PDS5B: variants seen among roughly 807,000 people sequenced by gnomAD.
PDS5B encodes the protein PDS5 cohesin associated factor B, also known as sister chromatid cohesion protein PDS5 homolog B.
In PDS5B, 51 loss-of-function variants were observed where a neutral mutation model predicts 184.1. The ratio of observed to expected loss-of-function variants is 0.28; its 90% confidence interval spans 0.22 to 0.35. PDS5B has a LOEUF of 0.35. Among genes scored for constraint, PDS5B ranks in the 10% least tolerant of loss-of-function variants. PDS5B has a pLI of 1.00. For missense variants in PDS5B, 1,180 were observed against 1,723.3 expected, an observed-to-expected ratio of 0.68 and a Z score of 5.58; for synonymous variants, 566 against 569.2, an observed-to-expected ratio of 0.99 and a Z score of 0.08.
intron 19 of PDS5B, among the ~76,000 whole-genome samples, chr13:32,728,292 T>A (rs962933962): frequency 6.0e-4 from 91 of 152,304 alleles, no homozygotes; most frequent in African/African-American, 1.9e-3. Flanking sequence ...TATGTCATTT[T>A]TGGGTCTGTT....
chr13:32,648,465 A>G (rs954856287), intron 1 of PDS5B, among the ~76,000 whole-genome samples: 7 of 151,938 alleles, frequency 4.6e-5, no homozygotes, highest in Admixed American at 2.0e-4. Context: ...AAAAGTATTT[A>G]TTTTTTATTT....
intron 2 of PDS5B, 136 bp downstream of exon 2, chr13:32,649,016 A>G: frequency 3.1e-6 from 2 of 646,748 alleles, no homozygotes; most frequent in South Asian, 1.6e-5. Flanking sequence ...GAAAAGATCT[A>G]AGGGAGTAGA....
In PDS5B at chr13:32,707,074, A is replaced by T. The variant is rs374752826; in HGVS notation, c.1962+35A>T. On this transcript the variant is annotated intron_variant, in intron 18 of 34. Coordinates refer to ENST00000315596, the MANE Select transcript of PDS5B (RefSeq NM_015032.4). ...TATTTAAAATTAAGTGCCTAATTAG[A>T]TATCTGTTTAACATATACAGTTTAT... The T allele has an allele frequency of 1.1e-5, 12 of 1,126,866 alleles. No individual in the cohort carries two copies. In the African/African-American group the frequency reaches 1.9e-4, roughly 18 times the overall value. The allele number at this position is 1,126,866 out of a possible 1,614,324, so 69.8% of individuals were successfully genotyped here. A position where few individuals can be genotyped will look rare whatever the true frequency, so the allele number is the denominator to read the frequency against.
intron 13 of PDS5B, 77 bp downstream of exon 13, chr13:32,688,646 A>G (rs763605891): frequency 1.2e-6 from 1 of 853,080 alleles, no homozygotes; most frequent in Non-Finnish European, 2.0e-6. Flanking sequence ...AACTACAAAC[A>G]CCTGTATTTT....
chr13:32,758,720 A>G (rs753315598), intron 28 of PDS5B, 67 bp downstream of exon 28: 28 of 1,493,946 alleles, frequency 1.9e-5, no homozygotes, highest in Middle Eastern at 1.7e-4. Context: ...GATTGTAGGA[A>G]GATCAGGAAG....
chr13:32,689,762 T>C (rs1442132294), intron 13 of PDS5B: 1 of 152,192 alleles, frequency 6.6e-6, no homozygotes, highest in Non-Finnish European at 1.5e-5. Context: ...TGTAAACTTT[T>C]CTCTGGAATT....
intron 1 of PDS5B, among the ~76,000 whole-genome samples, chr13:32,626,815 G>A (rs534998722): frequency 6.6e-6 from 1 of 152,116 alleles, no homozygotes; most frequent in Non-Finnish European, 1.5e-5. Context: ...TTAGATACAA[G>A]TAGCCTAATA....
intron 18 of PDS5B, 86 bp from the exon 19 acceptor site, chr13:32,709,860 T>G (rs1952148831): frequency 1.3e-6 from 1 of 767,354 alleles, no homozygotes; most frequent in African/African-American, 1.8e-5. Flanking sequence ...GACTTTGATT[T>G]ATAGTATTTC....
intron 25 of PDS5B, 34 bp from the exon 26 acceptor site, chr13:32,755,808 T>G (rs1435314942): frequency 9.4e-7 from 1 of 1,065,386 alleles, no homozygotes; most frequent in East Asian, 2.5e-5. Flanking sequence ...TTTCTTTTGT[T>G]TTTTTTTGTT....
At chr13:32,607,863 G>A (rs566801134) in intron 1 of PDS5B, among the ~76,000 whole-genome samples, 24 of 152,388 alleles carry the variant, frequency 1.6e-4, no homozygotes, top group African/African-American at 5.3e-4. Context: ...GCTGAGCCAG[G>A]TGCGGGATAT....
chr13:32,747,721 C>G (rs984791027), intron 24 of PDS5B, among the ~76,000 whole-genome samples: 2 of 151,948 alleles, frequency 1.3e-5, no homozygotes, highest in African/African-American at 4.8e-5. Flanking sequence ...TAGAAGAAAC[C>G]AACATATGTA....
At chr13:32,761,375 A>G (rs1848361840) in intron 30 of PDS5B, among the ~76,000 whole-genome samples, 2 of 152,070 alleles carry the variant, frequency 1.3e-5, no homozygotes, top group Non-Finnish European at 1.5e-5. Flanking sequence ...TATTTTAGAT[A>G]CAGAGGGTAC....
chr13:32,762,145 T>A (rs953596647), intron 30 of PDS5B, among the ~76,000 whole-genome samples: 5 of 152,176 alleles, frequency 3.3e-5, no homozygotes, highest in Non-Finnish European at 5.9e-5. Flanking sequence ...GAAGAGTTTT[T>A]AAAATGATTC....
chr13:32,752,903 T>C (rs1265022956), intron 24 of PDS5B, among the ~76,000 whole-genome samples: 3 of 152,182 alleles, frequency 2.0e-5, no homozygotes, highest in African/African-American at 7.2e-5. Flanking sequence ...TACAGGTGTG[T>C]ACCACCATGC....
chr13:32,635,267 C>G (rs2058528789), intron 1 of PDS5B, among the ~76,000 whole-genome samples: 1 of 133,828 alleles, frequency 7.5e-6, no homozygotes, highest in Non-Finnish European at 1.6e-5. Flanking sequence ...AGAATTCCTG[C>G]CCTCAAGTGA....
rs572871383 is a variant in PDS5B, at chr13:32,711,255, G to A, written c.2123+1149G>A. Among the ~76,000 whole-genome samples the A allele has an allele frequency of 2.0e-5, 3 of 152,252 alleles. No homozygotes were observed. In the South Asian group the frequency reaches 6.2e-4, roughly 32 times the overall value. ...CCTGCCCGCCTCAGCCTCCCAAAGT[G>A]CTGGGATTACAGACATGAGCCAGCG... On this transcript the variant is annotated intron_variant, in intron 19 of 34. Transcript: ENST00000315596.
At chr13:32,669,087 T>G (rs991396288) in intron 7 of PDS5B, among the ~76,000 whole-genome samples, 3 of 152,128 alleles carry the variant, frequency 2.0e-5, no homozygotes, top group Non-Finnish European at 2.9e-5. Flanking sequence ...TGAAATAAAT[T>G]GGTTGGATTG....
chr13:32,635,339 G>A (rs544439688), intron 1 of PDS5B, among the ~76,000 whole-genome samples: 167 of 117,814 alleles, frequency 1.4e-3, no homozygotes, highest in Non-Finnish European at 2.4e-3. Context: ...TGCCTGGCCT[G>A]TCTTTTTTTT....
rs1593222191 is a variant in PDS5B, at chr13:32,589,502, GTCTT to G, written c.-20+2915_-20+2918del. ...TTGTAGGTCTCTGTCTCCGGGAGCC[GTCTT>G]TCTTTATGTAACATTACTTGACATG... On this transcript the variant is annotated intron_variant, in intron 1 of 34. Coordinates refer to ENST00000315596, the MANE Select transcript of PDS5B (RefSeq NM_015032.4). Among the ~76,000 whole-genome samples the G allele has an allele frequency of 5.9e-5, 9 of 152,098 alleles. No individual in the cohort carries two copies. The South Asian group carries it at 1.5e-3, about 25-fold the overall frequency.
Sources: allele counts gnomAD v4.1 joint callset (sites outside exome capture counted in the v4.1 genomes callset), GRCh38; gene constraint gnomAD v4.1.1; transcripts MANE v1.5; gene names NCBI Gene and HGNC (gene_info 2026-07-23, HGNC 2026-07-21).